UFSP2: variants seen among roughly 807,000 people sequenced by gnomAD.
UFSP2 encodes UFM1 specific peptidase 2.
UFSP2 carries 43 observed loss-of-function variants against 60.2 expected under a neutral mutation model. That is an observed-to-expected ratio of 0.71 (90% CI 0.56 to 0.92). The LOEUF (loss-of-function observed/expected upper bound fraction) is 0.92, where lower values mean the gene tolerates loss of function less well. Ranked by LOEUF, UFSP2 falls within the 40% of genes least tolerant of loss-of-function variation. The pLI, the probability that UFSP2 is intolerant of heterozygous loss-of-function variation, is 0.00. For synonymous variants in UFSP2, 183 were observed against 195.1 expected (o/e 0.94, Z 0.52); for missense variants, 520 against 575.0 (o/e 0.90, Z 0.98).
At chr4:185,402,271 A>C in intron 11 of UFSP2, 1 of 454,622 alleles carries the variant, frequency 2.2e-6, no homozygotes, top group South Asian at 1.6e-5. Context: ...CTACAGAACA[A>C]GAATATTGCT....
In UFSP2 at chr4:185,425,570, C is replaced by A. The variant is rs551506302; in HGVS notation, c.3+296G>T. On this transcript the variant is annotated intron_variant, in intron 1 of 11. Coordinates refer to ENST00000264689, the MANE Select transcript of UFSP2 (RefSeq NM_018359.5). Reference sequence around the variant, plus strand: ...AAAGTTGCGCCTGTCCCAGGTTAAGCCCTTCTTGCAAGGCTTCAAAAACGC... The same window carrying A: ...AAAGTTGCGCCTGTCCCAGGTTAAGACCTTCTTGCAAGGCTTCAAAAACGC... 8.1e-4 allele frequency among the ~76,000 whole-genome samples: 123 copies of A among 152,320 alleles called. No homozygotes were observed. The Middle Eastern group carries it at 0.01, about 13-fold the overall frequency.
chr4:185,414,689 T>C (rs182361239), intron 6 of UFSP2, among the ~76,000 whole-genome samples: 5 of 152,328 alleles, frequency 3.3e-5, no homozygotes, highest in Admixed American at 3.3e-4. Flanking sequence ...GGTCATGTTT[T>C]CTCCAAAATT....
At chr4:185,405,912 A>C in intron 9 of UFSP2, 56 bp from the exon 10 acceptor site, 2 of 1,612,880 alleles carry the variant, frequency 1.2e-6, no homozygotes, top group Non-Finnish European at 1.7e-6. Context: ...CGGTCAAATA[A>C]TGAGCTAGGA....
At chr4:185,411,445 A>T (rs1020398576) in intron 7 of UFSP2, among the ~76,000 whole-genome samples, 1 of 152,216 alleles carries the variant, frequency 6.6e-6, no homozygotes, top group Non-Finnish European at 1.5e-5. Flanking sequence ...ACAAAATAAG[A>T]ACAGTATGAG....
chr4:185,409,093 G>A (rs981907312), intron 7 of UFSP2, among the ~76,000 whole-genome samples: 2 of 152,004 alleles, frequency 1.3e-5, no homozygotes, highest in Non-Finnish European at 2.9e-5. Flanking sequence ...CTGGCACACG[G>A]TTAATATAAA....
At chr4:185,406,258 C>T (rs1445948159) in intron 9 of UFSP2, 7 of 238,286 alleles carry the variant, frequency 2.9e-5, no homozygotes, top group African/African-American at 1.6e-4. Flanking sequence ...TCTGTATTTC[C>T]TCATCTTTAA....
chr4:185,422,445 A>G (rs377641643), intron 2 of UFSP2, 40 bp downstream of exon 2: 6 of 1,432,318 alleles, frequency 4.2e-6, no homozygotes, highest in Non-Finnish European at 5.8e-6. Flanking sequence ...ATATTTCACT[A>G]TCAATTTTCT....
intron 4 of UFSP2, 32 bp downstream of exon 4, chr4:185,418,409 T>G (rs747539593): frequency 6.6e-7 from 1 of 1,509,288 alleles, no homozygotes; most frequent in East Asian, 2.3e-5. Context: ...TTTAACATTT[T>G]TATCAGTACA....
chr4:185,415,982 G>C (rs1199699854), intron 4 of UFSP2, 115 bp from the exon 5 acceptor site: 1 of 805,946 alleles, frequency 1.2e-6, no homozygotes, highest in East Asian at 2.9e-5. Context: ...TTTAAGACTA[G>C]CCAAGTACAG....
At chr4:185,416,371 T>C (rs1405727692) in intron 4 of UFSP2, among the ~76,000 whole-genome samples, 2 of 152,192 alleles carry the variant, frequency 1.3e-5, no homozygotes, top group Admixed American at 1.3e-4. Context: ...TTTAAACATA[T>C]AACTATATAC....
chr4:185,405,100 G>C (rs1274011339), intron 10 of UFSP2, among the ~76,000 whole-genome samples: 1 of 149,944 alleles, frequency 6.7e-6, no homozygotes, highest in Non-Finnish European at 1.5e-5. Context: ...CTGGGCTCAA[G>C]CAATCCTCCC....
At chr4:185,425,213 G>A (rs2095557322) in intron 1 of UFSP2, among the ~76,000 whole-genome samples, 1 of 152,198 alleles carries the variant, frequency 6.6e-6, no homozygotes. Context: ...ACAACAGGAT[G>A]TATGGTGGTG....
chr4:185,403,597 G>A lies in UFSP2; in HGVS notation c.1220C>T (p.Thr407Ile). 6.2e-7 allele frequency: 1 copy of A among 1,613,222 alleles called. No homozygotes were observed. Among genetic ancestry groups the A allele is most frequent in the Non-Finnish European group, 8.5e-7 (1 of 1,179,778 alleles). The change falls in exon 11 of 12, where the codon ACA becomes ATA. Residue 407 changes from threonine to isoleucine, a missense_variant. Physicochemically the swap from Thr to Ile is moderately conservative, Grantham distance 89 (BLOSUM62 -1). Coordinates refer to ENST00000264689, the MANE Select transcript of UFSP2 (RefSeq NM_018359.5). ...CTCATTCCATGCAACTCCTAGTATT[G>A]TGTGGGCCAAAACTCCTCCCCCTAT... ...VMIGGGVLAH[T>I]ILGVAWNEIT...
chr4:185,421,185 C>T (rs2095548733), intron 2 of UFSP2, among the ~76,000 whole-genome samples: 1 of 152,114 alleles, frequency 6.6e-6, no homozygotes, highest in Non-Finnish European at 1.5e-5. Context: ...GGCAGGGATT[C>T]AAATGTGGAC....
At chr4:185,404,731 G>A (rs1040646667) in intron 10 of UFSP2, among the ~76,000 whole-genome samples, 3 of 151,938 alleles carry the variant, frequency 2.0e-5, no homozygotes, top group Admixed American at 2.0e-4. Flanking sequence ...GATTACAGGT[G>A]TGTGCCACCA....
chr4:185,425,740 C>CA, intron 1 of UFSP2, 126 bp downstream of exon 1: 3 of 1,412,960 alleles, frequency 2.1e-6, no homozygotes, highest in African/African-American at 2.8e-5. Flanking sequence ...CCTGCCCACG[C>CA]AGCTCGCAGC....
chr4:185,407,724 A>G (rs1219070319), intron 9 of UFSP2, among the ~76,000 whole-genome samples: 1 of 152,134 alleles, frequency 6.6e-6, no homozygotes, highest in Non-Finnish European at 1.5e-5. Flanking sequence ...TATACATTAC[A>G]TCACAAAGTT....
chr4:185,405,987 TTAAG>T, intron 9 of UFSP2, 131 bp from the exon 10 acceptor site: 2 of 1,530,312 alleles, frequency 1.3e-6, no homozygotes, highest in African/African-American at 1.4e-5. Context: ...TGTAAAAAAA[TTAAG>T]TGTTAGGGAA....
chr4:185,415,922 AGAGT>A (rs1339278720), intron 4 of UFSP2, 55 bp from the exon 5 acceptor site: 300 of 1,410,472 alleles, frequency 2.1e-4, no homozygotes, highest in Non-Finnish European at 2.7e-4. Context: ...CTAAATATAA[AGAGT>A]AAGTAAAAAG....
Sources: gnomAD v4.1 joint callset for allele counts (sites outside exome capture counted in the v4.1 genomes callset) on GRCh38, gnomAD v4.1.1 for gene constraint, MANE v1.5 for transcripts, NCBI Gene and HGNC (gene_info 2026-07-23, HGNC 2026-07-21) for gene names.